The following MGAM variants were observed in gnomAD, a reference collection of about 807,000 sequenced individuals.
MGAM encodes the protein maltase-glucoamylase.
A neutral mutation model predicts 358.8 loss-of-function variants in MGAM; 253 were observed. The observed-to-expected ratio is 0.71, with a 90% CI of 0.64 to 0.78. MGAM has a LOEUF of 0.78. Ranked by LOEUF, MGAM falls within the 30% of genes least tolerant of loss-of-function variation. MGAM has a pLI of 0.00. For missense variants in MGAM, 3,080 were observed against 3,432.6 expected, an observed-to-expected ratio of 0.90 and a Z score of 2.57; for synonymous variants, 1,105 against 1,227.1, an observed-to-expected ratio of 0.90 and a Z score of 2.08.
rs1251079222 is a variant in MGAM at position 142,087,398 on chromosome 7, T to C, written c.6810+681T>C. 2.7e-5 allele frequency among the ~76,000 whole-genome samples: 4 copies of C among 146,064 alleles called. No individual in the cohort carries two copies. In the Admixed American group the frequency reaches 2.8e-4, roughly 10 times the overall value. On this transcript the variant is annotated intron_variant, in intron 57 of 70. Coordinates refer to ENST00000475668, the MANE Select transcript of MGAM (RefSeq NM_001365693.1). ...GTTTCTTGCTTGAATGATACATGGC[T>C]CCTTACAGGTCTAGGAAGGCTACGG...
At chr7:142,097,081 A>G (rs1354508935) in intron 65 of MGAM, among the ~76,000 whole-genome samples, 1 of 151,348 alleles carries the variant, frequency 6.6e-6, no homozygotes, top group African/African-American at 2.4e-5. Flanking sequence ...GGCACGTGCC[A>G]CCAGGCCCGG....
Position 142,018,931 on chromosome 7 carries a change from A to G in MGAM, c.328-268A>G, listed in dbSNP as rs149802717. ...ATTATTGTTTAGACTATTTAAATATATTTATGAGTTTTTTTTTTTGTGATA... is the reference window on the plus strand; with the variant it reads ...ATTATTGTTTAGACTATTTAAATATGTTTATGAGTTTTTTTTTTTGTGATA... On this transcript the variant is annotated intron_variant, in intron 3 of 70. Transcript: ENST00000475668. 2.7e-5 allele frequency among the ~76,000 whole-genome samples: 4 copies of G among 150,528 alleles called. No homozygotes were observed. In the East Asian group the frequency reaches 7.8e-4, roughly 29 times the overall value.
At chr7:142,039,188 C>G (rs1251075085) in intron 19 of MGAM, among the ~76,000 whole-genome samples, 1 of 150,812 alleles carries the variant, frequency 6.6e-6, no homozygotes, top group African/African-American at 2.5e-5. Flanking sequence ...TCACTGCAAC[C>G]TCCAACTCCT....
intron 21 of MGAM, among the ~76,000 whole-genome samples, chr7:142,044,036 C>A (rs1188781317): frequency 7.5e-6 from 1 of 132,552 alleles, no homozygotes; most frequent in African/African-American, 2.9e-5. Context: ...ACACATACGA[C>A]GTATAATATA....
At chr7:142,041,958 A>T (rs1397047166) in intron 21 of MGAM, among the ~76,000 whole-genome samples, 4 of 19,976 alleles carry the variant, frequency 2.0e-4, no homozygotes, top group Admixed American at 1.0e-3. Context: ...ACATATATAT[A>T]ATATATATAT....
chr7:142,050,921 T>A, intron 24 of MGAM, 57 bp downstream of exon 24: 1 of 1,609,970 alleles, frequency 6.2e-7, no homozygotes. Flanking sequence ...CATCGTGATG[T>A]TCCTTCTTGC....
intron 49 of MGAM, among the ~76,000 whole-genome samples, 189 bp downstream of exon 49, chr7:142,079,197 C>G (rs1414637519): frequency 6.9e-6 from 1 of 145,918 alleles, no homozygotes; most frequent in Non-Finnish European, 1.5e-5. Context: ...GAAAAGATTA[C>G]TGTGGCTACT....
intron 36 of MGAM, 57 bp from the exon 37 acceptor site, chr7:142,064,327 A>G (rs2129042738): frequency 1.3e-6 from 2 of 1,567,220 alleles, no homozygotes; most frequent in Non-Finnish European, 1.7e-6. Context: ...CTTGAAGAGA[A>G]GTCAGGGAGA....
chr7:142,024,225 T>C (rs185432830), intron 7 of MGAM, among the ~76,000 whole-genome samples: 12 of 151,520 alleles, frequency 7.9e-5, no homozygotes, highest in Admixed American at 7.9e-4. Flanking sequence ...TGAGACTCCA[T>C]CTCAAAAAAA....
intron 2 of MGAM, among the ~76,000 whole-genome samples, chr7:141,989,900 C>A (rs1469759781): frequency 7.9e-5 from 12 of 152,096 alleles, no homozygotes; most frequent in Admixed American, 3.3e-4. Context: ...TGGTAAAATC[C>A]ACACAGATAA....
At chr7:142,039,666 A>C (rs1808332505) in intron 19 of MGAM, among the ~76,000 whole-genome samples, 1 of 152,082 alleles carries the variant, frequency 6.6e-6, no homozygotes, top group Admixed American at 6.6e-5. Flanking sequence ...AACAGGATGG[A>C]GCAGTGACCC....
chr7:142,039,021 A>G (rs1358920896), intron 19 of MGAM, among the ~76,000 whole-genome samples: 1 of 151,918 alleles, frequency 6.6e-6, no homozygotes, highest in Non-Finnish European at 1.5e-5. Context: ...GGAAGCTTAC[A>G]GTCATGGAGG....
chr7:142,072,295 A>C (rs1813408331), intron 44 of MGAM, among the ~76,000 whole-genome samples: 1 of 145,628 alleles, frequency 6.9e-6, no homozygotes, highest in Non-Finnish European at 1.6e-5. Flanking sequence ...TCCCAAACAT[A>C]CCCATGTATT....
At chr7:142,029,216 T>C (rs1308573924) in intron 10 of MGAM, among the ~76,000 whole-genome samples, 1 of 152,032 alleles carries the variant, frequency 6.6e-6, no homozygotes, top group African/African-American at 2.4e-5. Context: ...AAAAATTAGC[T>C]GGGCATGGTG....
rs570119959 is a variant in MGAM, at chr7:142,082,633, G to T, written c.6268+62G>T. ...TACCAGTCATGCCTGAGTCAGTTTAGAATGTGTTTAGCCTAACTGTTCCTT... is the reference window on the plus strand; with the variant it reads ...TACCAGTCATGCCTGAGTCAGTTTATAATGTGTTTAGCCTAACTGTTCCTT... On this transcript the variant is annotated intron_variant, in intron 52 of 70. Transcript: ENST00000475668. 84 of 1,270,396 alleles carry T rather than the reference G, an allele frequency of 6.6e-5. 5 individuals carry two copies. The highest frequency in any genetic ancestry group is 8.6e-5 in the Non-Finnish European group (78 of 906,704). The allele number at this position is 1,270,396 out of a possible 1,614,324, so 78.7% of individuals were successfully genotyped here.
upstream of MGAM, among the ~76,000 whole-genome samples, chr7:141,995,050 A>G (rs1323868502): frequency 6.6e-6 from 1 of 152,212 alleles, no homozygotes; most frequent in Non-Finnish European, 1.5e-5. Context: ...AAACTAAGCC[A>G]TGGCAGGACA....
At chr7:141,987,472 C>T (rs910319586) in intron 2 of MGAM, among the ~76,000 whole-genome samples, 5 of 152,102 alleles carry the variant, frequency 3.3e-5, no homozygotes, top group Admixed American at 2.0e-4. Flanking sequence ...TTTGGGAGGG[C>T]GAATCCATCT....
chr7:142,032,917 T>C lies in MGAM; in HGVS notation c.1669+8T>C, dbSNP rs1554464355. On this transcript the variant is annotated splice_region_variant and intron_variant, in intron 14 of 70. Coordinates refer to ENST00000475668, the MANE Select transcript of MGAM (RefSeq NM_001365693.1). The stretch of plus-strand genomic sequence containing the variant: ...ATCCCCCATTCACTCCCAGTAAGTC[T>C]TGGTGGTCAGCAGATTAAAGTAGCC... 8.8e-6 allele frequency: 14 copies of C among 1,590,092 alleles called. No individual in the cohort carries two copies. Among genetic ancestry groups the C allele is most frequent in the Non-Finnish European group, 1.2e-5 (14 of 1,161,214 alleles).
chr7:142,032,767 C>A, intron 13 of MGAM, 58 bp from the exon 14 acceptor site: 1 of 1,035,600 alleles, frequency 9.7e-7, no homozygotes, highest in African/African-American at 1.6e-5. Context: ...GACACCATCA[C>A]GACATCATAA....
Sources: allele counts gnomAD v4.1 joint callset (sites outside exome capture counted in the v4.1 genomes callset), GRCh38; gene constraint gnomAD v4.1.1; transcripts MANE v1.5; gene names NCBI Gene and HGNC (gene_info 2026-07-23, HGNC 2026-07-21).